The following SORCS1 variants were observed in gnomAD, a reference collection of about 807,000 sequenced individuals.
The protein encoded by SORCS1 is VPS10 domain-containing receptor SorCS1.
In SORCS1, 60 loss-of-function variants were observed where a neutral mutation model predicts 146.1. The ratio of observed to expected loss-of-function variants is 0.41; its 90% CI spans 0.33 to 0.51. The LOEUF (loss-of-function observed/expected upper bound fraction) is 0.51. SORCS1 is among the 20% of genes least tolerant of loss of function. The pLI is 0.21. For synonymous variants in SORCS1, 637 were observed against 584.0 expected, an observed-to-expected ratio of 1.09 and a Z score of -1.31; for missense variants, 1,352 against 1,487.6, an observed-to-expected ratio of 0.91 and a Z score of 1.50.
At chr10:106,592,853 T>G (rs1845688049) in intron 24 of SORCS1, among the ~76,000 whole-genome samples, 1 of 151,326 alleles carries the variant, frequency 6.6e-6, no homozygotes, top group Admixed American at 6.6e-5. Context: ...TTCAACCTAA[T>G]AAAAGCAATT....
At chr10:106,696,578 A>G (rs1481059838) in intron 9 of SORCS1, among the ~76,000 whole-genome samples, 1 of 152,168 alleles carries the variant, frequency 6.6e-6, no homozygotes, top group Non-Finnish European at 1.5e-5. Context: ...TCACTGCTCA[A>G]AATGATGATA....
chr10:107,063,686 G>A (rs986125893), intron 1 of SORCS1, among the ~76,000 whole-genome samples: 1 of 152,120 alleles, frequency 6.6e-6, no homozygotes, highest in East Asian at 1.9e-4. Context: ...TTTCATTTTT[G>A]TGTTCTTCCT....
At chr10:107,026,631 G>T (rs1017483246) in intron 1 of SORCS1, among the ~76,000 whole-genome samples, 10 of 150,910 alleles carry the variant, frequency 6.6e-5, no homozygotes, top group Admixed American at 4.0e-4. Flanking sequence ...AAAAAAAAAA[G>T]TTTTTTGGTT....
At chr10:106,742,238 G>C (rs1857415675) in intron 5 of SORCS1, among the ~76,000 whole-genome samples, 1 of 152,126 alleles carries the variant, frequency 6.6e-6, no homozygotes, top group African/African-American at 2.4e-5. Flanking sequence ...GGGACCAGAA[G>C]GTTTCAGATT....
chr10:106,588,380 ATTTAATTCATGCTTC>A (rs1845370989), intron 24 of SORCS1, among the ~76,000 whole-genome samples: 1 of 152,164 alleles, frequency 6.6e-6, no homozygotes, highest in Non-Finnish European at 1.5e-5. Flanking sequence ...GGCTCTCCTT[ATTTAATTCATGCTTC>A]TGTTTTAGTG....
Position 106,787,897 on chromosome 10 carries a change from T to A in SORCS1, c.727-11205A>T, listed in dbSNP as rs2136480366. 2.0e-5 allele frequency among the ~76,000 whole-genome samples: 3 copies of A among 152,350 alleles called. No individual in the cohort carries two copies. The South Asian group carries it at 6.2e-4, about 32-fold the overall frequency. ...AGGTTCATATTCATGATAAGTTGAA[T>A]AAGTTCATGAAGATACTGTCATTTT... is the stretch of plus-strand genomic sequence containing the variant. On this transcript the variant is annotated intron_variant, in intron 3 of 25. Coordinates refer to ENST00000263054, the MANE Select transcript of SORCS1 (RefSeq NM_052918.5).
intron 1 of SORCS1, among the ~76,000 whole-genome samples, chr10:107,028,758 T>C (rs1268483829): frequency 6.6e-6 from 1 of 152,140 alleles, no homozygotes; most frequent in African/African-American, 2.4e-5. Flanking sequence ...TACCCCAAGG[T>C]TTTCATCTGT....
chr10:107,160,800 A>G (rs1272642516), intron 1 of SORCS1, among the ~76,000 whole-genome samples: 1 of 152,242 alleles, frequency 6.6e-6, no homozygotes, highest in Non-Finnish European at 1.5e-5. Flanking sequence ...ACAGCACTTT[A>G]AAATCCCTTG....
chr10:106,836,303 T>C (rs1026533110), intron 2 of SORCS1, among the ~76,000 whole-genome samples: 1 of 151,532 alleles, frequency 6.6e-6, no homozygotes, highest in Non-Finnish European at 1.5e-5. Context: ...TGAAACCCCG[T>C]CTCTACTAAA....
At chr10:106,924,061 C>A (rs938486588) in intron 2 of SORCS1, among the ~76,000 whole-genome samples, 20 of 152,090 alleles carry the variant, frequency 1.3e-4, no homozygotes, top group African/African-American at 4.8e-4. Flanking sequence ...TCGAGACCAG[C>A]CTGACCAACA....
intron 10 of SORCS1, among the ~76,000 whole-genome samples, chr10:106,684,351 A>C (rs906681164): frequency 3.3e-5 from 5 of 152,156 alleles, no homozygotes; most frequent in Admixed American, 6.5e-5. Context: ...AAAACAGAAA[A>C]GAAAAGAAAA....
Position 106,920,896 on chromosome 10 carries a change from T to C in SORCS1, c.626+35617A>G, listed in dbSNP as rs117994208. Among the ~76,000 whole-genome samples, 181 of 152,270 alleles carry C rather than the reference T, an allele frequency of 1.2e-3. 2 individuals carry two copies. In the East Asian group the frequency reaches 0.028, roughly 24 times the overall value. On this transcript the variant is annotated intron_variant, in intron 2 of 25. Transcript: ENST00000263054. ...ACCTGGCAGCTCAACTCTAGCCCTC[T>C]TCACCATGAGGCCTGCTTGTCCCTC... is the stretch of plus-strand genomic sequence containing the variant.
intron 2 of SORCS1, among the ~76,000 whole-genome samples, chr10:106,858,607 CAAA>C (rs71482495): frequency 3.7e-5 from 3 of 81,158 alleles, no homozygotes. Flanking sequence ...GCCTCTGTCT[CAAA>C]AAAAAAAAAA....
intron 2 of SORCS1, among the ~76,000 whole-genome samples, chr10:106,949,962 A>C (rs1051028298): frequency 6.6e-6 from 1 of 152,214 alleles, no homozygotes; most frequent in Non-Finnish European, 1.5e-5. Flanking sequence ...AAAAAAGATG[A>C]ATATATTTCT....
At chr10:106,676,548 T>C (rs1852040852) in intron 13 of SORCS1, among the ~76,000 whole-genome samples, 1 of 152,180 alleles carries the variant, frequency 6.6e-6, no homozygotes, top group African/African-American at 2.4e-5. Context: ...GAGAGAATAA[T>C]ATACTGGTGA....
At chr10:106,652,662 T>C (rs988471441) in intron 17 of SORCS1, 109 bp from the exon 18 acceptor site, 110 of 1,204,764 alleles carry the variant, frequency 9.1e-5, no homozygotes, top group Non-Finnish European at 1.1e-4. Flanking sequence ...AGTAAGCACC[T>C]AACCATCTTT....
Position 106,679,616 on chromosome 10 carries a change from C to T in SORCS1, c.1663+16G>A. The stretch of plus-strand genomic sequence containing the variant: ...ACACTATTTACCACAGCCAGCAAAC[C>T]AGGTAAGCTTCTTACCTGATGCCAC... On this transcript the variant is annotated intron_variant, in intron 11 of 25. Transcript: ENST00000263054. 6.3e-7 allele frequency: 1 copy of T among 1,597,656 alleles called. No individual in the cohort carries two copies. Among genetic ancestry groups the T allele is most frequent in the South Asian group, 1.1e-5 (1 of 89,070 alleles).
chr10:106,657,515 T>C (rs1850390280), intron 17 of SORCS1, among the ~76,000 whole-genome samples: 1 of 152,070 alleles, frequency 6.6e-6, no homozygotes. Context: ...CAATGTATGC[T>C]ACTCAGATGA....
At chr10:106,988,106 T>C (rs1368143887) in intron 1 of SORCS1, among the ~76,000 whole-genome samples, 1 of 152,166 alleles carries the variant, frequency 6.6e-6, no homozygotes, top group African/African-American at 2.4e-5. Context: ...CTTTTCTGTA[T>C]TGTGACCAAT....
Sources: gnomAD v4.1 joint callset for allele counts (sites outside exome capture counted in the v4.1 genomes callset) on GRCh38, gnomAD v4.1.1 for gene constraint, MANE v1.5 for transcripts, NCBI Gene and HGNC (gene_info 2026-07-23, HGNC 2026-07-21) for gene names.